Variants in SUMF1 observed in about 807,000 individuals in gnomAD.
SUMF1 encodes the protein sulfatase modifying factor 1.
A neutral mutation model predicts 47.6 loss-of-function variants in SUMF1; 48 were observed. That is an observed-to-expected ratio of 1.01 (90% CI 0.80 to 1.28). The LOEUF is 1.28. Ranked by LOEUF, SUMF1 falls within the 50% of genes most tolerant of loss-of-function variation. The probability of loss-of-function intolerance (pLI) is 0.00; values close to 1 mark genes in which losing one functional copy is unlikely to be tolerated. For synonymous variants in SUMF1, 230 were observed against 192.1 expected (o/e 1.20, Z -1.63); for missense variants, 571 against 485.4 (o/e 1.18, Z -1.66).
chr3:4,152,165 T>C (rs1210504974), intron 8 of SUMF1, among the ~76,000 whole-genome samples: 1 of 151,534 alleles, frequency 6.6e-6, no homozygotes, highest in African/African-American at 2.4e-5. Context: ...AACACAGAAC[T>C]GGAAAAATTT....
At chr3:4,346,293 G>C (rs1386816862) in intron 8 of SUMF1, among the ~76,000 whole-genome samples, 1 of 152,154 alleles carries the variant, frequency 6.6e-6, no homozygotes, top group Non-Finnish European at 1.5e-5. Context: ...ACACTCCTCA[G>C]TAAATGCAAA....
chr3:4,309,175 C>G (rs1398415559), intron 8 of SUMF1, among the ~76,000 whole-genome samples: 3 of 152,086 alleles, frequency 2.0e-5, no homozygotes, highest in Non-Finnish European at 4.4e-5. Flanking sequence ...GCAGGTGAAG[C>G]CTCCAGGTAG....
intron 3 of SUMF1, among the ~76,000 whole-genome samples, chr3:4,448,313 C>T (rs138080047): frequency 1.3e-5 from 2 of 152,128 alleles, no homozygotes; most frequent in African/African-American, 2.4e-5. Flanking sequence ...CTGCTGCTCA[C>T]GAGAGGACAG....
Position 4,292,808 on chromosome 3 carries a change from T to G in SUMF1, c.1014+83522A>C, listed in dbSNP as rs1296620340. ...TACCAACTAAAAACAAAAATGCTCTTTGGGGGAAAACTTTACCTAATTTGC... is the reference window on the plus strand; with the variant it reads ...TACCAACTAAAAACAAAAATGCTCTGTGGGGGAAAACTTTACCTAATTTGC... On this transcript the variant is annotated intron_variant and NMD_transcript_variant, in intron 8 of 12. Transcript: ENST00000448413. 2.0e-5 allele frequency among the ~76,000 whole-genome samples: 3 copies of G among 152,252 alleles called. No individual in the cohort carries two copies. In the East Asian group the frequency reaches 5.8e-4, roughly 29 times the overall value.
chr3:4,050,309 A>G (rs887849193), intron 9 of SUMF1, among the ~76,000 whole-genome samples: 8 of 151,904 alleles, frequency 5.3e-5, no homozygotes, highest in African/African-American at 9.7e-5. Flanking sequence ...AAAAAAATAC[A>G]TCTCCAAGGC....
At chr3:4,171,347 G>A (rs1207625500) in intron 8 of SUMF1, among the ~76,000 whole-genome samples, 1 of 152,094 alleles carries the variant, frequency 6.6e-6, no homozygotes, top group Non-Finnish European at 1.5e-5. Context: ...CTCCAGAACA[G>A]GCGATAAATC....
intron 8 of SUMF1, among the ~76,000 whole-genome samples, chr3:4,273,037 G>A (rs1405971197): frequency 6.6e-6 from 1 of 151,664 alleles, no homozygotes; most frequent in African/African-American, 2.4e-5. Context: ...TCCAGCCTGG[G>A]TGACAGAGTG....
At position 4,199,817 on chromosome 3, in the gene SUMF1, T is replaced by G. The variant is rs538447049; in HGVS notation, c.1015-131072A>C. 9.2e-5 allele frequency among the ~76,000 whole-genome samples: 14 copies of G among 152,248 alleles called. No homozygotes were observed. The East Asian group carries it at 1.9e-3, about 21-fold the overall frequency. On this transcript the variant is annotated intron_variant and NMD_transcript_variant, in intron 8 of 12. Coordinates refer to the SUMF1 transcript ENST00000448413. ...AGTTTTTGCCTATTTTTTAATTGGA[T>G]TATGAATCTTCAGGTTATTTAATTG... is the stretch of plus-strand genomic sequence containing the variant.
At chr3:4,161,492 T>C (rs1266919211) in intron 8 of SUMF1, among the ~76,000 whole-genome samples, 1 of 152,116 alleles carries the variant, frequency 6.6e-6, no homozygotes, top group East Asian at 1.9e-4. Context: ...TTCTACCAAC[T>C]GAGTTGGCAC....
At chr3:4,310,727 T>A (rs979124184) in intron 8 of SUMF1, among the ~76,000 whole-genome samples, 2 of 152,204 alleles carry the variant, frequency 1.3e-5, no homozygotes, top group Non-Finnish European at 2.9e-5. Flanking sequence ...TTTCACCTGC[T>A]TTCCTGATTA....
chr3:4,180,245 G>A lies in SUMF1; in HGVS notation c.1015-111500C>T, dbSNP rs911021139. ...TGCTGCTATAAAGACATATGCACAC[G>A]TATGTTTATTGCGGCACTATTCACA... On this transcript the variant is annotated intron_variant and NMD_transcript_variant, in intron 8 of 12. Transcript: ENST00000448413. Among the ~76,000 whole-genome samples the A allele has an allele frequency of 5.3e-5, 8 of 152,208 alleles. No homozygotes were observed. In the South Asian group the frequency reaches 1.2e-3, roughly 24 times the overall value.
chr3:4,054,120 A>G (rs1159338340), intron 9 of SUMF1, among the ~76,000 whole-genome samples: 1 of 152,174 alleles, frequency 6.6e-6, no homozygotes, highest in Non-Finnish European at 1.5e-5. Context: ...AAACTCAAGC[A>G]TGACCTTTTG....
chr3:4,316,179 T>C, intron 8 of SUMF1: 1 of 644,892 alleles, frequency 1.6e-6, no homozygotes, highest in East Asian at 2.7e-5. Context: ...TTTTTGCTAA[T>C]GACATCTTAC....
intron 8 of SUMF1, among the ~76,000 whole-genome samples, chr3:4,157,187 T>C (rs2125110411): frequency 6.6e-6 from 1 of 151,700 alleles, no homozygotes; most frequent in South Asian, 2.1e-4. Flanking sequence ...ATAGGTTATT[T>C]AGCATCACAG....
intron 8 of SUMF1, among the ~76,000 whole-genome samples, chr3:4,212,036 C>G (rs1299753499): frequency 6.6e-6 from 1 of 152,198 alleles, no homozygotes; most frequent in African/African-American, 2.4e-5. Context: ...CCTGATGGCT[C>G]TGAAGAGAGG....
intron 8 of SUMF1, among the ~76,000 whole-genome samples, chr3:4,319,706 A>T (rs1698781707): frequency 6.6e-6 from 1 of 152,248 alleles, no homozygotes; most frequent in Admixed American, 6.5e-5. Context: ...TAAAAACAGC[A>T]CACACGTGTT....
At chr3:4,146,407 G>C (rs1170261411) in intron 8 of SUMF1, among the ~76,000 whole-genome samples, 1 of 57,430 alleles carries the variant, frequency 1.7e-5, no homozygotes, top group South Asian at 5.5e-4. Flanking sequence ...GAGAGGCGAG[G>C]GGGGGAAAGG....
chr3:4,167,009 G>C (rs1334117362), intron 8 of SUMF1, among the ~76,000 whole-genome samples: 7 of 152,018 alleles, frequency 4.6e-5, no homozygotes, highest in African/African-American at 1.7e-4. Flanking sequence ...GGAAAAATAG[G>C]ACAGAACAGC....
chr3:4,200,465 T>C (rs1695517642), intron 8 of SUMF1, among the ~76,000 whole-genome samples: 1 of 152,080 alleles, frequency 6.6e-6, no homozygotes, highest in South Asian at 2.1e-4. Flanking sequence ...TCTCCTACCC[T>C]TGATCATCAG....
Sources: allele counts gnomAD v4.1 joint callset (sites outside exome capture counted in the v4.1 genomes callset), GRCh38; gene constraint gnomAD v4.1.1; transcripts MANE v1.5; gene names NCBI Gene and HGNC (gene_info 2026-07-23, HGNC 2026-07-21).